Variants in ZNF208 observed in about 807,000 individuals in gnomAD.
ZNF208 encodes the protein zinc finger protein 95.
Under a neutral mutation model 12.1 loss-of-function variants are expected in ZNF208, and 10 were observed. The observed-to-expected ratio is 0.83, with a 90% CI of 0.51 to 1.40. ZNF208 has a LOEUF of 1.40. Among genes scored for constraint, ZNF208 ranks in the 40% most tolerant of loss-of-function variants. The probability of loss-of-function intolerance (pLI) is 0.00; values close to 1 mark genes in which losing one functional copy is unlikely to be tolerated. For missense variants in ZNF208, 1,652 were observed against 1,485.0 expected, an observed-to-expected ratio of 1.11 and a Z score of -1.85; for synonymous variants, 497 against 488.4, an observed-to-expected ratio of 1.02 and a Z score of -0.23.
intron 4 of ZNF208, among the ~76,000 whole-genome samples, chr19:21,946,262 C>G (rs1969814253): frequency 6.6e-6 from 1 of 152,174 alleles, no homozygotes; most frequent in African/African-American, 2.4e-5. Context: ...TTTGCATCAG[C>G]TTCTAATAGG....
intron 1 of ZNF208, among the ~76,000 whole-genome samples, chr19:22,007,747 C>A (rs1044333539): frequency 4.6e-5 from 7 of 151,926 alleles, no homozygotes; most frequent in Admixed American, 1.3e-4. Flanking sequence ...CACCTGCAAT[C>A]CCAGCACTTT....
rs192203414 is a variant in ZNF208, at chr19:21,968,093, T to C, written c.*3098A>G. On this transcript the variant is annotated 3_prime_UTR_variant, in exon 4 of 4. Transcript: ENST00000397126. ...ATGCATTTGTGCTGATTTTGTATTC[T>C]AAGATTTTTTTTGAAGTCTTTTTCC... 64 of 152,290 alleles carry C rather than the reference T, an allele frequency of 4.2e-4. No homozygotes were observed. The highest frequency in any genetic ancestry group is 8.7e-4 in the Non-Finnish European group (59 of 68,006). 9.4% of individuals were successfully genotyped at this position (152,290 alleles called of 1,614,324 possible). A position where few individuals can be genotyped will look rare whatever the true frequency, so the allele number is the denominator to read the frequency against.
intron 4 of ZNF208, among the ~76,000 whole-genome samples, chr19:21,950,309 C>T (rs775264267): frequency 1.5e-4 from 23 of 152,170 alleles, no homozygotes; most frequent in Admixed American, 5.2e-4. Flanking sequence ...CTAAAATAAC[C>T]TCTGGTGGCC....
Position 21,958,779 on chromosome 19 carries a change from A to G in ZNF208, c.305+15950T>C, listed in dbSNP as rs117514149. Among the ~76,000 whole-genome samples, 5 of 152,144 alleles carry G rather than the reference A, an allele frequency of 3.3e-5. No homozygotes were observed. The East Asian group carries it at 9.7e-4, about 30-fold the overall frequency. On this transcript the variant is annotated intron_variant, in intron 4 of 4. Transcript: ENST00000599916. Reference sequence around the variant, plus strand: ...CCTCTCCAGTGAGGAATAGCCAAAAATATCAATGCCTATTCTCCCTAACAG... The same window carrying G: ...CCTCTCCAGTGAGGAATAGCCAAAAGTATCAATGCCTATTCTCCCTAACAG...
chr19:21,961,110 C>A (rs771928203), downstream of ZNF208, among the ~76,000 whole-genome samples: 2 of 152,152 alleles, frequency 1.3e-5, no homozygotes, highest in African/African-American at 2.4e-5. Context: ...ATTGGGGGAA[C>A]CCACCCCCAA....
chr19:21,956,430 C>G (rs770078033), intron 4 of ZNF208, among the ~76,000 whole-genome samples: 2 of 152,174 alleles, frequency 1.3e-5, no homozygotes, highest in Non-Finnish European at 2.9e-5. Flanking sequence ...TGCCCTGCCC[C>G]TAGAGGTGGA....
chr19:21,970,173 T>G lies in ZNF208; in HGVS notation c.*1018A>C, dbSNP rs886646701. ...GTGTTGCCAAAAGCATTGTCACATC[T>G]TTCAGGTTTGTAGAGTCTCTCTTGT... On this transcript the variant is annotated 3_prime_UTR_variant, in exon 4 of 4. Coordinates refer to ENST00000397126, the MANE Select transcript of ZNF208 (RefSeq NM_007153.3). Among the ~76,000 whole-genome samples, 6 of 152,326 alleles carry G rather than the reference T, an allele frequency of 3.9e-5. No homozygotes were observed. The East Asian group carries it at 1.2e-3, about 29-fold the overall frequency.
intron 4 of ZNF208, among the ~76,000 whole-genome samples, chr19:21,956,500 CCAGT>C (rs1162675582): frequency 1.3e-5 from 2 of 152,172 alleles, no homozygotes; most frequent in Non-Finnish European, 2.9e-5. Flanking sequence ...TTTGAGGTTC[CCAGT>C]CATTTTGGTT....
chr19:22,010,190 A>G (rs1230163730), intron 1 of ZNF208, among the ~76,000 whole-genome samples: 1 of 152,254 alleles, frequency 6.6e-6, no homozygotes, highest in African/African-American at 2.4e-5. Flanking sequence ...CGTCTCAAAA[A>G]TAAATAAATA....
intron 1 of ZNF208, among the ~76,000 whole-genome samples, chr19:21,994,879 C>T (rs1366183455): frequency 6.6e-6 from 1 of 151,876 alleles, no homozygotes; most frequent in Non-Finnish European, 1.5e-5. Flanking sequence ...ATAATTCAAC[C>T]ATTTTTCCAG....
At chr19:21,943,197 T>G (rs1308025522) in intron 4 of ZNF208, among the ~76,000 whole-genome samples, 3 of 152,204 alleles carry the variant, frequency 2.0e-5, no homozygotes, top group Admixed American at 6.5e-5. Context: ...ATCGAGAATG[T>G]CACTTTCAAT....
Position 21,988,950 on chromosome 19 carries a change from G to T in ZNF208, c.4-41C>A, listed in dbSNP as rs765753899. The stretch of plus-strand genomic sequence containing the variant: ...ACACATATTTATCAACTGGACATGG[G>T]CAGAATTTTTAATTTGACTCAAGGT... On this transcript the variant is annotated intron_variant, in intron 1 of 3. Coordinates refer to ENST00000397126, the MANE Select transcript of ZNF208 (RefSeq NM_007153.3). 1.9e-6 allele frequency: 3 copies of T among 1,606,044 alleles called. No homozygotes were observed. The African/African-American group carries it at 4.1e-5, about 22-fold the overall frequency.
Position 21,974,604 on chromosome 19 carries a change from C to G in ZNF208, c.430G>C (p.Val144Leu), listed in dbSNP as rs754630199. The change falls in exon 4 of 4, where the codon GTA (valine) becomes CTA (leucine). Residue 144 changes from valine (V) to leucine (L), a missense_variant. Transcript: ENST00000397126. ...NQSLTTTQSKVFQRGKYANVF... is the reference protein window; with the variant it reads ...NQSLTTTQSKLFQRGKYANVF... ...TTTGCATATTTGCCACGTTGAAATACTTTGCTCTGTGTAGTTGTCAAACTC... is the reference window on the plus strand; with the variant it reads ...TTTGCATATTTGCCACGTTGAAATAGTTTGCTCTGTGTAGTTGTCAAACTC... The G allele has an allele frequency of 5.0e-6, 8 of 1,613,656 alleles. No individual in the cohort carries two copies. In the Admixed American group the frequency reaches 1.3e-4, roughly 27 times the overall value.
At chr19:21,955,975 C>T (rs1310064503) in intron 4 of ZNF208, among the ~76,000 whole-genome samples, 1 of 152,154 alleles carries the variant, frequency 6.6e-6, no homozygotes, top group Non-Finnish European at 1.5e-5. Context: ...GTTTTATCTA[C>T]CTTTGGTCTT....
At chr19:22,005,209 T>C (rs1971023670) in intron 1 of ZNF208, among the ~76,000 whole-genome samples, 1 of 152,218 alleles carries the variant, frequency 6.6e-6, no homozygotes, top group South Asian at 2.1e-4. Flanking sequence ...GGGTGGTGCC[T>C]TGTCCAGAGA....
chr19:22,002,426 T>C (rs1970969765), intron 1 of ZNF208, among the ~76,000 whole-genome samples: 1 of 152,174 alleles, frequency 6.6e-6, no homozygotes, highest in Non-Finnish European at 1.5e-5. Flanking sequence ...GCAAACAACA[T>C]GATTCTACAT....
chr19:21,973,844 T>C lies in ZNF208; in HGVS notation c.1190A>G (p.Tyr397Cys). 6.2e-7 allele frequency: 1 copy of C among 1,613,606 alleles called. No individual in the cohort carries two copies. Among genetic ancestry groups the C allele is most frequent in the Middle Eastern group, 1.6e-4 (1 of 6,062 alleles). Residue 397 changes from tyrosine (Y) to cysteine (C), a missense_variant, in exon 4 of 4, where the codon TAC (tyrosine) becomes TGC (cysteine). Around this residue, in one of 3 missense-constraint regions of ZNF208, gnomAD observed 1,239 missense variants for 1,086.2 expected, o/e 1.14. Transcript: ENST00000397126. The part of the protein sequence containing the change: ...HKKIHTGEKP[Y>C]KCEECGKGFS... ...ACCTTTGCCACATTCTTCACATTTGTAGGGTTTCTCTCCAGTATGAATTTT... is the reference window on the plus strand; with the variant it reads ...ACCTTTGCCACATTCTTCACATTTGCAGGGTTTCTCTCCAGTATGAATTTT...
downstream of ZNF208, among the ~76,000 whole-genome samples, chr19:21,961,976 G>C (rs1970078162): frequency 6.6e-6 from 1 of 152,146 alleles, no homozygotes; most frequent in Non-Finnish European, 1.5e-5. Flanking sequence ...AGCTTAGGAA[G>C]ATAACAGGAT....
At chr19:21,951,291 C>A (rs1320725142) in intron 4 of ZNF208, among the ~76,000 whole-genome samples, 6 of 152,054 alleles carry the variant, frequency 3.9e-5, no homozygotes, top group Admixed American at 1.3e-4. Flanking sequence ...CCAGGTTTTA[C>A]ATTAAAGTTA....
Sources: allele counts gnomAD v4.1 joint callset (sites outside exome capture counted in the v4.1 genomes callset), GRCh38; gene constraint gnomAD v4.1.1; regional missense constraint gnomAD v4.1.1; transcripts MANE v1.5; gene names NCBI Gene and HGNC (gene_info 2026-07-23, HGNC 2026-07-21).